DLEU7: variants seen among roughly 807,000 people sequenced by gnomAD.
DLEU7 encodes the protein leukemia-associated protein 7.
Under a neutral mutation model 16.0 loss-of-function variants are expected in DLEU7, and 17 were observed. The observed-to-expected ratio is 1.06, with a 90% CI of 0.73 to 1.59. The LOEUF (loss-of-function observed/expected upper bound fraction) is 1.59. Ranked by LOEUF, DLEU7 falls within the 40% of genes most tolerant of loss-of-function variation. DLEU7 has a pLI of 0.00. For missense variants in DLEU7, 308 were observed against 314.9 expected (o/e 0.98, Z 0.17); for synonymous variants, 113 against 139.8 (o/e 0.81, Z 1.35).
chr13:50,763,898 C>CA (rs1455637867), intron 1 of DLEU7, among the ~76,000 whole-genome samples: 2 of 152,206 alleles, frequency 1.3e-5, no homozygotes, highest in Admixed American at 1.3e-4. Flanking sequence ...CTAAGTGAGA[C>CA]AGTGTCTGTG....
chr13:50,723,305 C>T (rs1184670837), intron 1 of DLEU7: 4 of 151,994 alleles, frequency 2.6e-5, no homozygotes, highest in African/African-American at 4.8e-5. Flanking sequence ...GTATATTCTT[C>T]CCAATATACA....
At chr13:50,823,612 T>A (rs1285045434) in intron 1 of DLEU7, 92 bp from the exon 2 acceptor site, 13 of 1,421,008 alleles carry the variant, frequency 9.1e-6, no homozygotes, top group Non-Finnish European at 4.7e-6. Flanking sequence ...TCTTTTCTCT[T>A]CTGGTGACAG....
intron 1 of DLEU7, among the ~76,000 whole-genome samples, chr13:50,723,676 A>G (rs1433329684): frequency 2.0e-5 from 3 of 152,044 alleles, no homozygotes; most frequent in South Asian, 2.1e-4. Context: ...TTATAAGGGC[A>G]CTAATCACAT....
chr13:50,757,688 G>A (rs947081830), intron 1 of DLEU7, among the ~76,000 whole-genome samples: 35 of 152,218 alleles, frequency 2.3e-4, no homozygotes, highest in African/African-American at 8.4e-4. Flanking sequence ...GAGTGGATGG[G>A]TAGGGGATAG....
intron 1 of DLEU7, among the ~76,000 whole-genome samples, chr13:50,814,934 G>A (rs930365640): frequency 6.6e-6 from 1 of 151,790 alleles, no homozygotes; most frequent in Admixed American, 6.6e-5. Flanking sequence ...CAGACTCCAT[G>A]TACTAGATTT....
At chr13:50,721,243 G>T (rs902588271) in intron 1 of DLEU7, among the ~76,000 whole-genome samples, 1 of 152,200 alleles carries the variant, frequency 6.6e-6, no homozygotes, top group Non-Finnish European at 1.5e-5. Flanking sequence ...CCAGTGGTTT[G>T]CCAGGGGCTC....
At chr13:50,714,550 G>A (rs186546597) in intron 1 of DLEU7, among the ~76,000 whole-genome samples, 1 of 152,332 alleles carries the variant, frequency 6.6e-6, no homozygotes, top group East Asian at 1.9e-4. Flanking sequence ...ATTCTCAGGA[G>A]ATGTCATCTG....
At chr13:50,737,203 C>T (rs1440488229) in intron 1 of DLEU7, among the ~76,000 whole-genome samples, 2 of 152,124 alleles carry the variant, frequency 1.3e-5, no homozygotes, top group Non-Finnish European at 2.9e-5. Flanking sequence ...TGATATCTCT[C>T]ATGCACATAA....
chr13:50,811,331 CAAG>C (rs1322939644), intron 1 of DLEU7, among the ~76,000 whole-genome samples: 7 of 152,058 alleles, frequency 4.6e-5, no homozygotes, highest in African/African-American at 1.2e-4. Flanking sequence ...GGAAGAACAC[CAAG>C]AAGAAGGAGT....
intron 1 of DLEU7, among the ~76,000 whole-genome samples, chr13:50,790,070 T>C (rs980051357): frequency 6.6e-6 from 1 of 151,986 alleles, no homozygotes; most frequent in African/African-American, 2.4e-5. Context: ...GTAGCTGGGA[T>C]TACAGGCACG....
At chr13:50,814,761 AGTGT>A (rs10670911) in intron 1 of DLEU7, among the ~76,000 whole-genome samples, 3,977 of 138,612 alleles carry the variant, frequency 0.029, 75 homozygotes, top group Non-Finnish European at 0.046. Context: ...TATTCATGTG[AGTGT>A]GTGTGTGTGT....
rs527261255 is a variant in DLEU7, at chr13:50,800,569, A to G, written c.459+42619T>C. On this transcript the variant is annotated intron_variant, in intron 1 of 1. Coordinates refer to the DLEU7 transcript ENST00000400393. ...CCTAGGCTGCCCTTTGAGGAAGAACATAAGCATCTAAAAATAGAACCTCAG... is the reference window on the plus strand; with the variant it reads ...CCTAGGCTGCCCTTTGAGGAAGAACGTAAGCATCTAAAAATAGAACCTCAG... 5.9e-5 allele frequency among the ~76,000 whole-genome samples: 9 copies of G among 152,242 alleles called. No homozygotes were observed. In the South Asian group the frequency reaches 1.9e-3, roughly 32 times the overall value.
chr13:50,772,266 T>C (rs1375326030), intron 1 of DLEU7, among the ~76,000 whole-genome samples: 1 of 152,196 alleles, frequency 6.6e-6, no homozygotes. Flanking sequence ...CCCATTTAAA[T>C]TTAAGGTTAA....
intron 1 of DLEU7, among the ~76,000 whole-genome samples, chr13:50,827,054 G>A (rs992151989): frequency 1.3e-5 from 2 of 152,150 alleles, no homozygotes; most frequent in African/African-American, 4.8e-5. Flanking sequence ...GATTCAGGAT[G>A]CAACAGTGAA....
At chr13:50,805,251 A>T (rs908763149) in intron 1 of DLEU7, among the ~76,000 whole-genome samples, 1 of 152,030 alleles carries the variant, frequency 6.6e-6, no homozygotes, top group Non-Finnish European at 1.5e-5. Context: ...TTTGTTGTTT[A>T]TTTGCTTGTT....
intron 1 of DLEU7, among the ~76,000 whole-genome samples, chr13:50,728,858 C>T (rs1873837303): frequency 6.6e-6 from 1 of 152,098 alleles, no homozygotes. Context: ...TGTTCATATG[C>T]ACATCATACT....
chr13:50,787,105 T>A (rs1287000135), intron 1 of DLEU7, among the ~76,000 whole-genome samples: 4 of 152,228 alleles, frequency 2.6e-5, no homozygotes, highest in Admixed American at 2.6e-4. Context: ...AAGTTTTGGA[T>A]AATTTTTCTG....
chr13:50,720,911 T>G (rs1423058841), intron 1 of DLEU7, among the ~76,000 whole-genome samples: 1 of 152,174 alleles, frequency 6.6e-6, no homozygotes, highest in African/African-American at 2.4e-5. Flanking sequence ...ATTTATATAT[T>G]AAAGCCCAGT....
rs140132035 is a variant in DLEU7, at chr13:50,784,893, T to G, written c.459+58295A>C. On this transcript the variant is annotated intron_variant, in intron 1 of 1. Transcript: ENST00000400393. ...TGTCAGTTATCAACCTGAAACTAGC[T>G]GTCTTCAGATGTGCAAATTAGTTTT... Among the ~76,000 whole-genome samples the G allele has an allele frequency of 6.4e-3, 968 of 152,362 alleles. 9 individuals carry two copies. The highest frequency in any genetic ancestry group is 0.022 in the African/African-American group (908 of 41,584).
Sources: gnomAD v4.1 joint callset for allele counts (sites outside exome capture counted in the v4.1 genomes callset) on GRCh38, gnomAD v4.1.1 for gene constraint, MANE v1.5 for transcripts, NCBI Gene and HGNC (gene_info 2026-07-23, HGNC 2026-07-21) for gene names.